ADAMTSL1: variants seen among roughly 807,000 people sequenced by gnomAD.
ADAMTSL1 encodes the protein ADAMTS-like protein 1.
Under a neutral mutation model 201.8 loss-of-function variants are expected in ADAMTSL1, and 126 were observed. That is an observed-to-expected ratio of 0.62 (90% CI 0.54 to 0.72). ADAMTSL1 has a LOEUF of 0.72. ADAMTSL1 is among the 30% of genes least tolerant of loss of function. The probability of loss-of-function intolerance (pLI) is 0.00; values close to 1 mark genes in which losing one functional copy is unlikely to be tolerated. For missense variants in ADAMTSL1, 2,679 were observed against 2,277.8 expected (o/e 1.18, Z -3.59); for synonymous variants, 1,121 against 903.4 (o/e 1.24, Z -4.32).
At chr9:18,040,895 T>C (rs887460144) in intron 1 of ADAMTSL1, among the ~76,000 whole-genome samples, 2 of 152,202 alleles carry the variant, frequency 1.3e-5, no homozygotes, top group African/African-American at 4.8e-5. Flanking sequence ...TGTTCCGTTG[T>C]TAACAATCTG....
intron 4 of ADAMTSL1, among the ~76,000 whole-genome samples, chr9:18,592,165 G>A (rs1823962776): frequency 6.6e-6 from 1 of 152,150 alleles, no homozygotes; most frequent in Non-Finnish European, 1.5e-5. Context: ...CAAAACACCA[G>A]ACAGTGAGCA....
At chr9:18,115,068 A>T (rs1944759) in intron 1 of ADAMTSL1, among the ~76,000 whole-genome samples, 3,154 of 152,122 alleles carry the variant, frequency 0.021, 88 homozygotes, top group African/African-American at 0.07. Context: ...GCCAGGTTTT[A>T]AAAAAAATGA....
intron 2 of ADAMTSL1, among the ~76,000 whole-genome samples, chr9:18,467,188 AAACAG>A (rs568912867): frequency 1.3e-3 from 200 of 152,346 alleles, no homozygotes; most frequent in African/African-American, 4.7e-3. Flanking sequence ...CTCTACTTAC[AAACAG>A]GGTAGCAGGT....
chr9:18,510,309 G>A (rs746638654), intron 2 of ADAMTSL1, among the ~76,000 whole-genome samples: 3 of 152,138 alleles, frequency 2.0e-5, no homozygotes, highest in African/African-American at 7.2e-5. Context: ...AGGAGACTTG[G>A]TTTACCCTCT....
intron 2 of ADAMTSL1, among the ~76,000 whole-genome samples, chr9:18,385,485 A>G (rs568083764): frequency 1.3e-5 from 2 of 152,316 alleles, no homozygotes; most frequent in African/African-American, 2.4e-5. Flanking sequence ...TTCAAACAGT[A>G]CGTTAGTCAT....
At chr9:18,114,696 T>G (rs998368203) in intron 1 of ADAMTSL1, among the ~76,000 whole-genome samples, 4 of 152,176 alleles carry the variant, frequency 2.6e-5, no homozygotes, top group African/African-American at 9.7e-5. Flanking sequence ...AGATTCATGT[T>G]AAATCCCTTG....
chr9:18,321,126 C>G (rs1189186465), intron 2 of ADAMTSL1, among the ~76,000 whole-genome samples: 1 of 152,114 alleles, frequency 6.6e-6, no homozygotes, highest in African/African-American at 2.4e-5. Context: ...ACAGATATGA[C>G]ATGCAGACAA....
chr9:18,743,134 A>T (rs1206365878), intron 15 of ADAMTSL1, among the ~76,000 whole-genome samples: 1 of 152,206 alleles, frequency 6.6e-6, no homozygotes, highest in East Asian at 1.9e-4. Flanking sequence ...AGACAGGGTG[A>T]TCAGAAAATG....
chr9:18,430,288 T>G (rs1406442125), intron 2 of ADAMTSL1, among the ~76,000 whole-genome samples: 1 of 152,162 alleles, frequency 6.6e-6, no homozygotes, highest in Non-Finnish European at 1.5e-5. Context: ...ATTGCAAAGC[T>G]TCACCAACAG....
intron 1 of ADAMTSL1, among the ~76,000 whole-genome samples, chr9:18,087,304 G>T (rs1337666301): frequency 1.3e-5 from 2 of 151,970 alleles, no homozygotes; most frequent in Admixed American, 1.3e-4. Flanking sequence ...AACAATGAGT[G>T]TATTTTATGG....
At chr9:18,825,959 C>A (rs1452714909) in intron 21 of ADAMTSL1, among the ~76,000 whole-genome samples, 1 of 152,200 alleles carries the variant, frequency 6.6e-6, no homozygotes, top group Non-Finnish European at 1.5e-5. Flanking sequence ...GGCAAGCCCC[C>A]CCTGCCAGCT....
At chr9:18,630,455 C>T (rs1462713770) in intron 5 of ADAMTSL1, among the ~76,000 whole-genome samples, 3 of 152,102 alleles carry the variant, frequency 2.0e-5, no homozygotes, top group Non-Finnish European at 4.4e-5. Context: ...TTCTGTATAG[C>T]TCTCTCCTTT....
At chr9:17,952,041 A>G (rs769678640) in intron 1 of ADAMTSL1, among the ~76,000 whole-genome samples, 5 of 151,138 alleles carry the variant, frequency 3.3e-5, no homozygotes, top group South Asian at 2.1e-4. Flanking sequence ...GTCTCAAGCA[A>G]TTTTCCCGCA....
At chr9:17,979,526 A>ATT (rs35573329) in intron 1 of ADAMTSL1, among the ~76,000 whole-genome samples, 102 of 146,446 alleles carry the variant, frequency 7.0e-4, no homozygotes, top group African/African-American at 2.4e-3. Flanking sequence ...TCAGCCATGG[A>ATT]TTTTTTTTTT....
chr9:18,390,824 T>C (rs1384493545), intron 2 of ADAMTSL1, among the ~76,000 whole-genome samples: 2 of 152,020 alleles, frequency 1.3e-5, no homozygotes, highest in Middle Eastern at 3.4e-3. Flanking sequence ...AAACACCACC[T>C]CAAAACACTG....
intron 2 of ADAMTSL1, among the ~76,000 whole-genome samples, chr9:18,401,861 C>T (rs1264815275): frequency 1.3e-5 from 2 of 152,108 alleles, no homozygotes; most frequent in Non-Finnish European, 2.9e-5. Flanking sequence ...TGTGGGAGGA[C>T]CGTTCTCACC....
intron 4 of ADAMTSL1, among the ~76,000 whole-genome samples, chr9:18,597,587 G>T (rs1011115275): frequency 6.6e-6 from 1 of 152,172 alleles, no homozygotes; most frequent in Non-Finnish European, 1.5e-5. Context: ...AAGCCTTTTT[G>T]AGACTGGGTG....
intron 15 of ADAMTSL1, 91 bp from the exon 16 acceptor site, chr9:18,753,207 G>T (rs767408864): frequency 1.9e-5 from 25 of 1,298,120 alleles, no homozygotes; most frequent in African/African-American, 2.9e-5. Flanking sequence ...CACTTTCCCA[G>T]TTAGGGGTTT....
At chr9:18,029,349 G>C (rs1183911638) in intron 1 of ADAMTSL1, among the ~76,000 whole-genome samples, 3 of 152,150 alleles carry the variant, frequency 2.0e-5, no homozygotes, top group Non-Finnish European at 2.9e-5. Context: ...GCCATATGGA[G>C]AAAGCTGAAA....
Sources: gnomAD v4.1 joint callset for allele counts (sites outside exome capture counted in the v4.1 genomes callset) on GRCh38, gnomAD v4.1.1 for gene constraint, MANE v1.5 for transcripts, NCBI Gene and HGNC (gene_info 2026-07-23, HGNC 2026-07-21) for gene names.